Variants in KCNT2 observed in about 807,000 individuals in gnomAD.
KCNT2 encodes potassium sodium-activated channel subfamily T member 2.
KCNT2 carries 67 observed loss-of-function variants against 153.8 expected under a neutral mutation model. The observed-to-expected ratio is 0.44, with a 90% CI of 0.36 to 0.53. KCNT2 has a LOEUF of 0.53. KCNT2 is among the 20% of genes least tolerant of loss of function. The probability of loss-of-function intolerance (pLI) is 0.00; values close to 1 mark genes in which losing one functional copy is unlikely to be tolerated. For missense variants in KCNT2, 975 were observed against 1,354.8 expected, an observed-to-expected ratio of 0.72 and a Z score of 4.40; for synonymous variants, 500 against 458.8, an observed-to-expected ratio of 1.09 and a Z score of -1.15.
At chr1:196,391,377 A>G (rs1053659824) in intron 13 of KCNT2, among the ~76,000 whole-genome samples, 1 of 151,430 alleles carries the variant, frequency 6.6e-6, no homozygotes, top group African/African-American at 2.4e-5. Flanking sequence ...GGTCTTTTTC[A>G]TAAGACATTT....
intron 22 of KCNT2, among the ~76,000 whole-genome samples, chr1:196,292,023 T>TA (rs1189531076): frequency 6.6e-6 from 1 of 152,190 alleles, no homozygotes; most frequent in Non-Finnish European, 1.5e-5. Flanking sequence ...AAATGTGTCT[T>TA]AAAAAATAGA....
chr1:196,340,807 T>C (rs911277366), intron 15 of KCNT2, among the ~76,000 whole-genome samples: 9 of 151,970 alleles, frequency 5.9e-5, no homozygotes, highest in African/African-American at 2.2e-4. Flanking sequence ...ATAAGAAACA[T>C]GAGTGCATGT....
chr1:196,379,041 A>C (rs957019372), intron 13 of KCNT2, among the ~76,000 whole-genome samples: 9 of 151,574 alleles, frequency 5.9e-5, no homozygotes, highest in African/African-American at 1.9e-4. Context: ...TGGCCACATT[A>C]CTAGGGTTTG....
chr1:196,506,761 C>T (rs2148784045), intron 1 of KCNT2, among the ~76,000 whole-genome samples: 1 of 152,242 alleles, frequency 6.6e-6, no homozygotes, highest in East Asian at 1.9e-4. Context: ...TTTGAGCAAA[C>T]ATAATTTAAT....
intron 8 of KCNT2, among the ~76,000 whole-genome samples, chr1:196,449,695 AATC>A (rs1302542549): frequency 6.6e-6 from 1 of 151,632 alleles, no homozygotes; most frequent in Non-Finnish European, 1.5e-5. Context: ...ACTAATAGGA[AATC>A]ATGAGAAGAA....
chr1:196,434,425 C>G (rs531801989), intron 8 of KCNT2, among the ~76,000 whole-genome samples: 1 of 151,832 alleles, frequency 6.6e-6, no homozygotes, highest in African/African-American at 2.4e-5. Flanking sequence ...TAGACCTAAA[C>G]TACCAAAAAA....
chr1:196,260,794 C>T (rs551913864), intron 25 of KCNT2, among the ~76,000 whole-genome samples: 3 of 151,790 alleles, frequency 2.0e-5, no homozygotes, highest in South Asian at 4.2e-4. Flanking sequence ...ACTCTTTCTC[C>T]ACAATAAAAC....
chr1:196,277,778 G>A (rs1399230149), intron 25 of KCNT2, among the ~76,000 whole-genome samples: 1 of 151,986 alleles, frequency 6.6e-6, no homozygotes, highest in Non-Finnish European at 1.5e-5. Context: ...GAGAGACATG[G>A]TGAACTGTCA....
At chr1:196,394,118 T>C (rs548316686) in intron 13 of KCNT2, among the ~76,000 whole-genome samples, 1 of 151,520 alleles carries the variant, frequency 6.6e-6, no homozygotes, top group East Asian at 2.0e-4. Context: ...TAAAAAATAA[T>C]GATATTGTGA....
At position 196,373,146 on chromosome 1, in the gene KCNT2, C is replaced by CT. The variant is rs1668673434; in HGVS notation, c.1396dup (p.Arg466LysfsTer18). ...AAAGAAAAAATATACTTACTGCCCT[C>CT]TAGAGGTATGAACCAGTAGTGTAAT... On this transcript the variant is annotated frameshift_variant, in exon 14 of 28. Coordinates refer to ENST00000294725, the MANE Select transcript of KCNT2 (RefSeq NM_198503.5). LOFTEE classifies it high-confidence loss of function. 6.9e-7 allele frequency: 1 copy of CT among 1,450,778 alleles called. No homozygotes were observed. Among genetic ancestry groups the CT allele is most frequent in the Non-Finnish European group, 9.7e-7 (1 of 1,035,594 alleles). 89.9% of individuals were successfully genotyped at this position (1,450,778 alleles called of 1,614,324 possible).
At chr1:196,410,777 T>C (rs896545329) in intron 12 of KCNT2, among the ~76,000 whole-genome samples, 2 of 151,338 alleles carry the variant, frequency 1.3e-5, no homozygotes, top group African/African-American at 4.8e-5. Context: ...AACCAAGAAA[T>C]CAATGCCAAG....
chr1:196,450,902 C>T (rs758503044), intron 8 of KCNT2, among the ~76,000 whole-genome samples: 3 of 151,872 alleles, frequency 2.0e-5, no homozygotes, highest in Non-Finnish European at 4.4e-5. Flanking sequence ...TAGACATATG[C>T]ATGGTTTATT....
intron 27 of KCNT2, among the ~76,000 whole-genome samples, chr1:196,231,688 T>C (rs1024868889): frequency 1.3e-5 from 2 of 151,772 alleles, no homozygotes; most frequent in African/African-American, 4.8e-5. Flanking sequence ...AGGATGGATG[T>C]TTCTGATGTG....
At chr1:196,272,984 T>C (rs1473452515) in intron 25 of KCNT2, among the ~76,000 whole-genome samples, 1 of 151,880 alleles carries the variant, frequency 6.6e-6, no homozygotes, top group African/African-American at 2.4e-5. Flanking sequence ...TATAATATTA[T>C]TAAGAATATT....
At chr1:196,229,529 T>C (rs74133631) in intron 27 of KCNT2, among the ~76,000 whole-genome samples, 13,270 of 152,112 alleles carry the variant, frequency 0.087, 679 homozygotes, top group African/African-American at 0.14. Flanking sequence ...TGTAATTGTT[T>C]AAGTGAAAGG....
At chr1:196,298,927 A>G (rs1395044017) in intron 22 of KCNT2, among the ~76,000 whole-genome samples, 1 of 151,444 alleles carries the variant, frequency 6.6e-6, no homozygotes, top group Non-Finnish European at 1.5e-5. Flanking sequence ...TATACCAGCT[A>G]GTTATCTCAG....
chr1:196,553,612 C>T (rs1658242185), intron 1 of KCNT2, among the ~76,000 whole-genome samples: 1 of 151,132 alleles, frequency 6.6e-6, no homozygotes, highest in African/African-American at 2.4e-5. Context: ...AAACATGAGA[C>T]TTAATGTGCA....
In KCNT2 at chr1:196,529,361, C is replaced by T. The variant is rs945884986; in HGVS notation, c.96-37020G>A. 4.6e-5 allele frequency among the ~76,000 whole-genome samples: 7 copies of T among 152,188 alleles called. No individual in the cohort carries two copies. The East Asian group carries it at 1.2e-3, about 25-fold the overall frequency. ...CATCCAAACATTGTTTTCATCATTTCGACCCCTTGATGTTACAGCTTACCC... is the reference window on the plus strand; with the variant it reads ...CATCCAAACATTGTTTTCATCATTTTGACCCCTTGATGTTACAGCTTACCC... On this transcript the variant is annotated intron_variant, in intron 1 of 27. Coordinates refer to ENST00000294725, the MANE Select transcript of KCNT2 (RefSeq NM_198503.5).
At chr1:196,452,188 G>T (rs931727154) in intron 8 of KCNT2, among the ~76,000 whole-genome samples, 1 of 151,912 alleles carries the variant, frequency 6.6e-6, no homozygotes. Flanking sequence ...TTTTTAAAAG[G>T]CACGTAAAGC....
Sources: allele counts gnomAD v4.1 joint callset (sites outside exome capture counted in the v4.1 genomes callset), GRCh38; gene constraint gnomAD v4.1.1; transcripts MANE v1.5; gene names NCBI Gene and HGNC (gene_info 2026-07-23, HGNC 2026-07-21).